The following MOV10L1 variants were observed in gnomAD, a reference collection of about 807,000 sequenced individuals.
MOV10L1 encodes Mov10 like RNA helicase 1.
A neutral mutation model predicts 143.8 loss-of-function variants in MOV10L1; 110 were observed. That is an observed-to-expected ratio of 0.76 (90% confidence interval 0.66 to 0.90). MOV10L1 has a LOEUF of 0.90. Among genes scored for constraint, MOV10L1 ranks in the 40% least tolerant of loss-of-function variants. MOV10L1 has a pLI of 0.00. For synonymous variants in MOV10L1, 593 were observed against 581.1 expected (o/e 1.02, Z -0.29); for missense variants, 1,406 against 1,526.8 (o/e 0.92, Z 1.32).
chr22:50,090,011 T>G lies in MOV10L1; in HGVS notation c.-78T>G. On this transcript the variant is annotated 5_prime_UTR_variant, in exon 1 of 27. Coordinates refer to ENST00000262794, the MANE Select transcript of MOV10L1 (RefSeq NM_018995.3). ...TGCCCAGGCGCGGCGACCCCATTGG[T>G]GGCGGGCGGCGGGAGCGGCGCGGGC... is the stretch of plus-strand genomic sequence containing the variant. 9.0e-7 allele frequency: 1 copy of G among 1,105,964 alleles called. No homozygotes were observed. Among genetic ancestry groups the G allele is most frequent in the Non-Finnish European group, 1.1e-6 (1 of 900,150 alleles). 68.5% of individuals were successfully genotyped at this position (1,105,964 alleles called of 1,614,324 possible).
intron 5 of MOV10L1, among the ~76,000 whole-genome samples, chr22:50,111,970 A>G (rs1405506028): frequency 2.0e-5 from 3 of 152,186 alleles, no homozygotes; most frequent in Admixed American, 2.0e-4. Flanking sequence ...CTCTGGGTGC[A>G]GACAGACAGC....
At position 50,145,814 on chromosome 22, in the gene MOV10L1, A is replaced by G. The variant is rs1479406084; in HGVS notation, c.2627+4A>G. 6.2e-7 allele frequency: 1 copy of G among 1,613,572 alleles called. No homozygotes were observed. ...TGTTTTACCAAATAGGAGTGAGGTGAGCCCCGGGCATGGAGCGCGGCATGG... is the reference window on the plus strand; with the variant it reads ...TGTTTTACCAAATAGGAGTGAGGTGGGCCCCGGGCATGGAGCGCGGCATGG... On this transcript the variant is annotated splice_donor_region_variant and intron_variant, in intron 19 of 26. Coordinates refer to ENST00000262794, the MANE Select transcript of MOV10L1 (RefSeq NM_018995.3).
Position 50,145,707 on chromosome 22 carries a change from A to C in MOV10L1, c.2524A>C (p.Lys842Gln). ...CCCCCAGATAGTTATTGACGCCGTCAAACCGTATTGCAGAGACGGAGAAGA... is the reference window on the plus strand; with the variant it reads ...CCCCCAGATAGTTATTGACGCCGTCCAACCGTATTGCAGAGACGGAGAAGA... ...RFEEIVIDAV[K>Q]PYCRDGEDIW... The change falls in exon 19 of 27, where the codon AAA becomes CAA. Residue 842 changes from lysine (K) to glutamine (Q), a missense_variant. By Grantham distance (53) the Lys-to-Gln change is moderately conservative (BLOSUM62 1). Around this residue, in one of 3 missense-constraint regions of MOV10L1, gnomAD observed 1,233 missense variants for 1,351.4 expected, o/e 0.91. Coordinates refer to ENST00000262794, the MANE Select transcript of MOV10L1 (RefSeq NM_018995.3). The C allele has an allele frequency of 6.2e-7, 1 of 1,614,132 alleles. No individual in the cohort carries two copies. Among genetic ancestry groups the C allele is most frequent in the Non-Finnish European group, 8.5e-7 (1 of 1,180,030 alleles).
chr22:50,097,770 T>G (rs752563451), intron 2 of MOV10L1, among the ~76,000 whole-genome samples: 79 of 152,122 alleles, frequency 5.2e-4, no homozygotes, highest in Non-Finnish European at 1.1e-3. Flanking sequence ...TTTAGATGAG[T>G]TTTTCTATTT....
chr22:50,154,453 G>A (rs146171765), intron 22 of MOV10L1, among the ~76,000 whole-genome samples: 396 of 151,464 alleles, frequency 2.6e-3, no homozygotes, highest in Middle Eastern at 0.014. Context: ...CTTTGGTCCC[G>A]GCTACTTGGG....
chr22:50,126,388 G>T, intron 12 of MOV10L1, 116 bp downstream of exon 12: 2 of 621,994 alleles, frequency 3.2e-6, no homozygotes, highest in South Asian at 2.5e-5. Context: ...TGGCTATTTT[G>T]GAAAATGTCA....
At chr22:50,092,246 C>A in intron 2 of MOV10L1, 61 bp downstream of exon 2, 1 of 1,492,480 alleles carries the variant, frequency 6.7e-7, no homozygotes, top group East Asian at 2.3e-5. Flanking sequence ...TGTTGTTTTT[C>A]CTTGTGTTTA....
At position 50,114,856 on chromosome 22, in the gene MOV10L1, A is replaced by G. The variant is rs900334605; in HGVS notation, c.1126+234A>G. Among the ~76,000 whole-genome samples, 13 of 152,156 alleles carry G rather than the reference A, an allele frequency of 8.5e-5. No individual in the cohort carries two copies. In the East Asian group the frequency reaches 2.3e-3, roughly 27 times the overall value. ...TTCAGATGGCGGCCGGCTCCTGAGTACCTCGAAGCAGGGAAAGATTGCTGG... is the reference window on the plus strand; with the variant it reads ...TTCAGATGGCGGCCGGCTCCTGAGTGCCTCGAAGCAGGGAAAGATTGCTGG... On this transcript the variant is annotated intron_variant, in intron 7 of 26. Transcript: ENST00000262794.
intron 22 of MOV10L1, among the ~76,000 whole-genome samples, chr22:50,155,095 T>G (rs1448452984): frequency 1.3e-5 from 2 of 152,198 alleles, no homozygotes; most frequent in Non-Finnish European, 2.9e-5. Flanking sequence ...ATTGAATTGT[T>G]TCTCAGTTTA....
At position 50,161,516 on chromosome 22, in the gene MOV10L1, C is replaced by A; in HGVS notation, c.*67C>A. ...GCCACGTTGCCGTTACAGTCTGCTC[C>A]GTGGCTCCTGTGGCCTGCCCTTGTC... is the stretch of plus-strand genomic sequence containing the variant. On this transcript the variant is annotated 3_prime_UTR_variant, in exon 27 of 27. Coordinates refer to ENST00000262794, the MANE Select transcript of MOV10L1 (RefSeq NM_018995.3). 7.5e-6 allele frequency: 11 copies of A among 1,466,912 alleles called. No homozygotes were observed. The highest frequency in any genetic ancestry group is 9.3e-6 in the Non-Finnish European group (10 of 1,080,792). The allele number at this position is 1,466,912 out of a possible 1,614,324, so 90.9% of individuals were successfully genotyped here.
chr22:50,150,642 G>A (rs1232766728), intron 20 of MOV10L1, 93 bp from the exon 21 acceptor site: 5 of 1,403,748 alleles, frequency 3.6e-6, no homozygotes, highest in African/African-American at 1.4e-5. Flanking sequence ...TGAGCATGGG[G>A]CCATCCTGCG....
chr22:50,105,914 A>G (rs374950219), intron 3 of MOV10L1, among the ~76,000 whole-genome samples: 3 of 152,272 alleles, frequency 2.0e-5, no homozygotes, highest in Non-Finnish European at 2.9e-5. Flanking sequence ...AGCTGGCTGC[A>G]TGTCTGGAGG....
intron 2 of MOV10L1, chr22:50,094,575 A>G (rs951145438): frequency 6.6e-6 from 1 of 151,660 alleles, no homozygotes; most frequent in Non-Finnish European, 1.5e-5. Context: ...AATTTTTTGT[A>G]TTTTTAGTAG....
intron 11 of MOV10L1, among the ~76,000 whole-genome samples, chr22:50,125,889 G>A (rs1476414890): frequency 6.6e-6 from 1 of 151,838 alleles, no homozygotes; most frequent in Non-Finnish European, 1.5e-5. Context: ...CCGGGTTCAC[G>A]CCGTTCTCCT....
At chr22:50,156,866 G>A (rs1206956379) in intron 22 of MOV10L1, among the ~76,000 whole-genome samples, 3 of 152,176 alleles carry the variant, frequency 2.0e-5, no homozygotes, top group African/African-American at 4.8e-5. Context: ...GCTTTCAGTC[G>A]TCATGGGTAC....
intron 10 of MOV10L1, among the ~76,000 whole-genome samples, chr22:50,124,084 T>C (rs913755819): frequency 6.6e-6 from 1 of 152,188 alleles, no homozygotes; most frequent in Admixed American, 6.5e-5. Flanking sequence ...GAACCAACTT[T>C]TTGTTTTCCT....
At chr22:50,120,421 G>A (rs1202058580) in intron 9 of MOV10L1, 81 bp from the exon 10 acceptor site, 1 of 887,516 alleles carries the variant, frequency 1.1e-6, no homozygotes, top group Non-Finnish European at 1.8e-6. Context: ...TCCTAAAATA[G>A]GAAAGGATGT....
chr22:50,108,075 A>T (rs2061921340), intron 3 of MOV10L1, 61 bp from the exon 4 acceptor site: 3 of 1,458,378 alleles, frequency 2.1e-6, no homozygotes, highest in Non-Finnish European at 2.9e-6. Flanking sequence ...TCAGTGCACC[A>T]TGACCTCAGA....
intron 6 of MOV10L1, 54 bp downstream of exon 6, chr22:50,113,842 T>C: frequency 7.1e-7 from 1 of 1,408,728 alleles, no homozygotes; most frequent in Non-Finnish European, 9.3e-7. Context: ...GCTTTTACAC[T>C]ATGACTCAAT....
Sources: gnomAD v4.1 joint callset for allele counts (sites outside exome capture counted in the v4.1 genomes callset) on GRCh38, gnomAD v4.1.1 for gene constraint, gnomAD v4.1.1 regional missense constraint, MANE v1.5 for transcripts, NCBI Gene and HGNC (gene_info 2026-07-23, HGNC 2026-07-21) for gene names.